GART: variants seen among roughly 807,000 people sequenced by gnomAD.
GART encodes phosphoribosylglycinamide formyltransferase, phosphoribosylglycinamide synthetase, phosphoribosylaminoimidazole synthetase, also known as trifunctional purine biosynthetic protein adenosine-3.
A neutral mutation model predicts 107.2 loss-of-function variants in GART; 43 were observed. The observed-to-expected ratio is 0.40, with a 90% confidence interval of 0.31 to 0.52. GART has a LOEUF of 0.52. GART is among the 20% of genes least tolerant of loss of function. GART has a pLI of 0.52. For missense variants in GART, 1,107 were observed against 1,206.5 expected (o/e 0.92, Z 1.22); for synonymous variants, 434 against 427.0 (o/e 1.02, Z -0.20).
chr21:33,518,160 C>T (rs1225729440), intron 14 of GART, among the ~76,000 whole-genome samples: 1 of 152,176 alleles, frequency 6.6e-6, no homozygotes, highest in Non-Finnish European at 1.5e-5. Flanking sequence ...ACTTTATTCC[C>T]AGGCTTCTTT....
chr21:33,538,905 C>T (rs970751811), intron 2 of GART, among the ~76,000 whole-genome samples: 3 of 152,072 alleles, frequency 2.0e-5, no homozygotes, highest in East Asian at 1.9e-4. Flanking sequence ...CTCAGCCTCC[C>T]GAGTAGCTGG....
chr21:33,517,108 C>T lies in GART; in HGVS notation c.1988G>A (p.Ser663Asn). 2 of 1,612,508 alleles carry T rather than the reference C, an allele frequency of 1.2e-6. No individual in the cohort carries two copies. Among genetic ancestry groups the T allele is most frequent in the Non-Finnish European group, 1.7e-6 (2 of 1,179,652 alleles). ...ACGTAGGACAGGTAACAGTGAATGG[C>T]TGTAGATTCTGGTAGGCGTGAGAAG... The part of the protein sequence containing the change: ...DLLLTPTRIY[S>N]HSLLPVLRSG... Residue 663 changes from serine (S) to asparagine (N), a missense_variant, in exon 16 of 22, where the codon AGC (serine) becomes AAC (asparagine). Ser to Asn is a conservative substitution (Grantham distance 46, BLOSUM62 1). Coordinates refer to ENST00000381815, the MANE Select transcript of GART (RefSeq NM_000819.5).
Position 33,524,060 on chromosome 21 carries a change from A to C in GART, c.1298+709T>G, listed in dbSNP as rs1057313664. The C allele has an allele frequency of 1.5e-5, 15 of 985,202 alleles. No individual in the cohort carries two copies. The African/African-American group carries it at 2.6e-4, about 17-fold the overall frequency. The allele number at this position is 985,202 out of a possible 1,614,324, so 61.0% of individuals were successfully genotyped here. ...ACAAGTCAACAGTTTGTACATACCA[A>C]CAATGAATCAGTAAGAGGTCAAAAA... is the stretch of plus-strand genomic sequence containing the variant. On this transcript the variant is annotated intron_variant, in intron 11 of 21. Transcript: ENST00000381815.
chr21:33,505,860 C>A, intron 19 of GART, 114 bp downstream of exon 19: 1 of 1,466,716 alleles, frequency 6.8e-7, no homozygotes, highest in Non-Finnish European at 9.3e-7. Context: ...AAGCCCAGCA[C>A]CCACCCAAAA....
intron 1 of GART, among the ~76,000 whole-genome samples, chr21:33,540,747 T>G (rs556145306): frequency 3.9e-5 from 6 of 152,330 alleles, no homozygotes; most frequent in African/African-American, 1.2e-4. Flanking sequence ...TTTGATGATG[T>G]TGGGATTACA....
upstream of GART, chr21:33,542,701 C>A: frequency 5.4e-6 from 1 of 186,500 alleles, no homozygotes; most frequent in Non-Finnish European, 1.1e-5. Flanking sequence ...CCGGGTTGCC[C>A]TTCTTGCTCT....
At chr21:33,536,630 C>T (rs993768429) in intron 2 of GART, among the ~76,000 whole-genome samples, 2 of 152,172 alleles carry the variant, frequency 1.3e-5, no homozygotes, top group Non-Finnish European at 2.9e-5. Context: ...GATTAACTAT[C>T]ACTAATACTA....
chr21:33,507,820 A>C (rs1410850022), intron 18 of GART, among the ~76,000 whole-genome samples: 3 of 152,202 alleles, frequency 2.0e-5, no homozygotes, highest in Non-Finnish European at 4.4e-5. Flanking sequence ...CGACAGAGTG[A>C]GACTCTATCT....
chr21:33,520,635 G>T, intron 13 of GART, 73 bp from the exon 14 acceptor site: 1 of 1,317,170 alleles, frequency 7.6e-7, no homozygotes, highest in Non-Finnish European at 1.1e-6. Flanking sequence ...TTGATTAGCT[G>T]CTCTTAACAC....
chr21:33,519,060 A>T, intron 14 of GART: 1 of 275,882 alleles, frequency 3.6e-6, no homozygotes, highest in Non-Finnish European at 7.3e-6. Context: ...TAGCTGAACC[A>T]CCTTCTTTCT....
At chr21:33,520,855 A>C in intron 13 of GART, 51 bp downstream of exon 13, 1 of 1,302,632 alleles carries the variant, frequency 7.7e-7, no homozygotes, top group Non-Finnish European at 1.1e-6. Flanking sequence ...ATTTGATATA[A>C]ATTTCCTCAT....
chr21:33,535,330 G>GAAAA lies in GART; in HGVS notation c.146-14_146-11dup, dbSNP rs567027710. On this transcript the variant is annotated splice_polypyrimidine_tract_variant and intron_variant, in intron 2 of 21. Coordinates refer to ENST00000381815, the MANE Select transcript of GART (RefSeq NM_000819.5). ...TCACTGATTGAGATGGCTGTAAACA[G>GAAAA]AAAAAAAAAAAAAAAAACCACTGCA... is the stretch of plus-strand genomic sequence containing the variant. 67 of 369,506 alleles carry GAAAA rather than the reference G, an allele frequency of 1.8e-4. No individual in the cohort carries two copies. Among genetic ancestry groups the GAAAA allele is most frequent in the South Asian group, 5.2e-4 (13 of 24,828 alleles). 22.9% of individuals were successfully genotyped at this position (369,506 alleles called of 1,614,324 possible). A position where few individuals can be genotyped will look rare whatever the true frequency, so the allele number is the denominator to read the frequency against.
At chr21:33,526,894 CTTT>C (rs2085084462) in intron 10 of GART, among the ~76,000 whole-genome samples, 1 of 152,086 alleles carries the variant, frequency 6.6e-6, no homozygotes, top group South Asian at 2.1e-4. Flanking sequence ...GTCTCTATTT[CTTT>C]TGTTAGCATC....
intron 11 of GART, chr21:33,523,910 T>C (rs1030385842): frequency 1.1e-5 from 7 of 619,264 alleles, no homozygotes; most frequent in Non-Finnish European, 1.2e-5. Context: ...GAGGTTGCAG[T>C]GAGGCGAGAT....
chr21:33,521,141 AGAT>A (rs1335949021), intron 12 of GART, 126 bp from the exon 13 acceptor site: 1 of 668,868 alleles, frequency 1.5e-6, no homozygotes, highest in African/African-American at 1.8e-5. Flanking sequence ...TGGAAGAAAT[AGAT>A]GATTGGAACA....
intron 16 of GART, among the ~76,000 whole-genome samples, chr21:33,513,105 C>CTGTG (rs3057407): frequency 8.2e-4 from 119 of 144,648 alleles, no homozygotes; most frequent in Middle Eastern, 3.4e-3. Flanking sequence ...GTGTGTGTCT[C>CTGTG]TGTGTGTGTG....
At chr21:33,518,813 G>C (rs189917364) in intron 14 of GART, 4 of 520,932 alleles carry the variant, frequency 7.7e-6, no homozygotes, top group Non-Finnish European at 1.1e-5. Flanking sequence ...CCTTAAACTA[G>C]TCAGATTGTC....
intron 14 of GART, chr21:33,518,585 A>G: frequency 3.3e-6 from 1 of 304,166 alleles, no homozygotes; most frequent in South Asian, 3.0e-5. Flanking sequence ...ATTTTATCAG[A>G]TCCATAAACA....
At chr21:33,509,726 G>C in intron 18 of GART, 57 bp downstream of exon 18, 1 of 1,572,026 alleles carries the variant, frequency 6.4e-7, no homozygotes, top group Non-Finnish European at 8.7e-7. Context: ...ACAAGAGTGC[G>C]GGGAGGAAAG....
Sources: gnomAD v4.1 joint callset for allele counts (sites outside exome capture counted in the v4.1 genomes callset) on GRCh38, gnomAD v4.1.1 for gene constraint, MANE v1.5 for transcripts, NCBI Gene and HGNC (gene_info 2026-07-23, HGNC 2026-07-21) for gene names.